Variants in CHODL observed in about 807,000 individuals in gnomAD.
The protein encoded by CHODL is chondrolectin, also known as transmembrane protein MT75.
A neutral mutation model predicts 34.5 loss-of-function variants in CHODL; 29 were observed. The ratio of observed to expected loss-of-function variants is 0.84; its 90% CI spans 0.63 to 1.15. The LOEUF (loss-of-function observed/expected upper bound fraction) is 1.15, where lower values mean the gene tolerates loss of function less well. Among genes scored for constraint, CHODL ranks in the 50% most tolerant of loss-of-function variants. The pLI, the probability that CHODL is intolerant of heterozygous loss-of-function variation, is 0.00. For missense variants in CHODL, 332 were observed against 332.5 expected (o/e 1.00, Z 0.01); for synonymous variants, 125 against 116.1 (o/e 1.08, Z -0.49).
intron 1 of CHODL, among the ~76,000 whole-genome samples, chr21:17,966,946 C>T (rs930095607): frequency 4.5e-4 from 67 of 150,204 alleles, no homozygotes; most frequent in African/African-American, 1.5e-3. Context: ...AGTGCAGTGG[C>T]GCGATCTTGG....
chr21:17,952,132 C>T (rs2063462377), intron 1 of CHODL, among the ~76,000 whole-genome samples: 1 of 130,418 alleles, frequency 7.7e-6, no homozygotes, highest in South Asian at 2.5e-4. Context: ...TTGGGAGGAT[C>T]ATTTGCACCT....
chr21:18,067,493 T>C (rs539946468), intron 2 of CHODL, among the ~76,000 whole-genome samples: 3 of 152,198 alleles, frequency 2.0e-5, no homozygotes, highest in Non-Finnish European at 2.9e-5. Flanking sequence ...AGCAAACCAC[T>C]GAAGCTTGGA....
intron 2 of CHODL, among the ~76,000 whole-genome samples, chr21:18,071,892 C>A (rs940753518): frequency 2.0e-5 from 3 of 152,094 alleles, no homozygotes; most frequent in African/African-American, 7.2e-5. Flanking sequence ...TTGTCTTAAT[C>A]TTTCCACTCT....
chr21:17,917,876 CGTGTGTGTGTGTGTAT>C (rs1555836391), intron 1 of CHODL, among the ~76,000 whole-genome samples: 2 of 150,824 alleles, frequency 1.3e-5, no homozygotes, highest in South Asian at 2.1e-4. Flanking sequence ...CTCTGATATG[CGTGTGTGTGTGTGTAT>C]GTGTGTGTGT....
chr21:18,163,903 G>A lies in CHODL; in HGVS notation c.-44-92606G>A, dbSNP rs141636941. ...TTATCATTTTACTGATCCCCAGTGT[G>A]ATTAATGCTTAAAAAAAGAACAACC... On this transcript the variant is annotated intron_variant, in intron 2 of 6. Coordinates refer to the CHODL transcript ENST00000400127. 3.3e-4 allele frequency among the ~76,000 whole-genome samples: 50 copies of A among 152,274 alleles called. No homozygotes were observed. In the East Asian group the frequency reaches 9.3e-3, roughly 28 times the overall value.
chr21:17,919,226 C>T (rs1359686148), intron 1 of CHODL, among the ~76,000 whole-genome samples: 1 of 152,228 alleles, frequency 6.6e-6, no homozygotes, highest in Non-Finnish European at 1.5e-5. Context: ...CCCATAGGGA[C>T]TCTGTGTTGG....
intron 2 of CHODL, among the ~76,000 whole-genome samples, chr21:18,207,072 C>T (rs1326345991): frequency 6.6e-6 from 1 of 151,994 alleles, no homozygotes; most frequent in African/African-American, 2.4e-5. Context: ...GTGTGATGTT[C>T]CCCGCCCTGT....
At chr21:18,203,675 C>T (rs2073680709) in intron 2 of CHODL, among the ~76,000 whole-genome samples, 1 of 151,820 alleles carries the variant, frequency 6.6e-6, no homozygotes, top group Non-Finnish European at 1.5e-5. Flanking sequence ...TTTTGTTCAC[C>T]GAATATATAG....
chr21:17,973,593 T>G (rs1187180314), intron 1 of CHODL, among the ~76,000 whole-genome samples: 2 of 96,810 alleles, frequency 2.1e-5, no homozygotes, highest in Non-Finnish European at 4.2e-5. Context: ...ATTTTTTGTA[T>G]TTTTTTTTAG....
chr21:18,049,522 C>A (rs1374703418), intron 2 of CHODL, among the ~76,000 whole-genome samples: 1 of 151,910 alleles, frequency 6.6e-6, no homozygotes, highest in African/African-American at 2.4e-5. Flanking sequence ...GTTACCATAA[C>A]AAAATACCAG....
chr21:18,248,662 TA>T (rs1245688752), intron 1 of CHODL, among the ~76,000 whole-genome samples: 1 of 107,898 alleles, frequency 9.3e-6, no homozygotes, highest in African/African-American at 3.8e-5. Context: ...TATACATATA[TA>T]TGTATAATAC....
rs529248423 is a variant in CHODL at position 18,081,405 on chromosome 21, G to T, written c.-45+53434G>T. 8.5e-5 allele frequency among the ~76,000 whole-genome samples: 13 copies of T among 152,158 alleles called. No individual in the cohort carries two copies. The East Asian group carries it at 2.5e-3, about 29-fold the overall frequency. Reference sequence around the variant, plus strand: ...ATAAGAGTGGTGAAAGTGGGGCTGGGTGCGGTGGCTCACATCTGTAATCCC... The same window carrying T: ...ATAAGAGTGGTGAAAGTGGGGCTGGTTGCGGTGGCTCACATCTGTAATCCC... On this transcript the variant is annotated intron_variant, in intron 2 of 6. Coordinates refer to the CHODL transcript ENST00000400127.
chr21:18,258,117 A>G (rs999170549), intron 3 of CHODL, among the ~76,000 whole-genome samples: 25 of 152,160 alleles, frequency 1.6e-4, no homozygotes, highest in African/African-American at 5.8e-4. Flanking sequence ...ACCAGAAAAC[A>G]CAAGGGATTA....
rs28489953 is a variant in CHODL, at chr21:18,033,073, C to T, written c.-45+5102C>T. On this transcript the variant is annotated intron_variant, in intron 2 of 6. Transcript: ENST00000400127. ...ATGAATGCTATGCAAAGAACAAAAA[C>T]GGGAGTAAACGAGGTCAGAGGATGA... Among the ~76,000 whole-genome samples the T allele has an allele frequency of 8.3e-3, 1,268 of 151,984 alleles. 17 individuals carry two copies. The highest frequency in any genetic ancestry group is 0.028 in the African/African-American group (1,180 of 41,476).
rs1163216737 is a variant in CHODL at position 18,128,170 on chromosome 21, G to A, written c.-45+100199G>A. ...AAAAAAATTAGCTGGGCGTGGTGGCGGGCGCCTGTAGTCCCGGCTACTAGG... is the reference window on the plus strand; with the variant it reads ...AAAAAAATTAGCTGGGCGTGGTGGCAGGCGCCTGTAGTCCCGGCTACTAGG... On this transcript the variant is annotated intron_variant, in intron 2 of 6. Coordinates refer to the CHODL transcript ENST00000400127. 4.6e-5 allele frequency among the ~76,000 whole-genome samples: 7 copies of A among 151,020 alleles called. 1 individual carries two copies. The highest frequency in any genetic ancestry group is 4.0e-4 in the Admixed American group (6 of 15,140).
chr21:18,143,297 T>A (rs954717218), intron 2 of CHODL, among the ~76,000 whole-genome samples: 2 of 152,148 alleles, frequency 1.3e-5, no homozygotes, highest in African/African-American at 4.8e-5. Flanking sequence ...GCTTAAACAT[T>A]TGTGTCGATT....
rs146967480 is a variant in CHODL, at chr21:18,107,315, G to A, written c.-45+79344G>A. On this transcript the variant is annotated intron_variant, in intron 2 of 6. Transcript: ENST00000400127. ...CAGAGCACCTAGTTCCTGGTACACA[G>A]ATAGCAGTCTGGCTGAACTTTTTGT... Among the ~76,000 whole-genome samples the A allele has an allele frequency of 2.1e-3, 318 of 152,308 alleles. 2 individuals carry two copies. The highest frequency in any genetic ancestry group is 3.5e-3 in the Non-Finnish European group (240 of 68,026).
At chr21:18,139,339 G>C (rs1468415393) in intron 2 of CHODL, among the ~76,000 whole-genome samples, 2 of 152,052 alleles carry the variant, frequency 1.3e-5, no homozygotes, top group African/African-American at 4.8e-5. Context: ...AGGTAAAATT[G>C]ACCTCATGTT....
At chr21:17,931,305 A>T (rs996051776) in intron 1 of CHODL, among the ~76,000 whole-genome samples, 2 of 152,222 alleles carry the variant, frequency 1.3e-5, no homozygotes, top group African/African-American at 4.8e-5. Context: ...GCAAAGCCCG[A>T]TACAAAACAT....
Sources: allele counts gnomAD v4.1 joint callset (sites outside exome capture counted in the v4.1 genomes callset), GRCh38; gene constraint gnomAD v4.1.1; transcripts MANE v1.5; gene names NCBI Gene and HGNC (gene_info 2026-07-23, HGNC 2026-07-21).